Variants in MMP26 observed in about 807,000 individuals in gnomAD.
MMP26 encodes the protein matrix metallopeptidase 26.
Under a neutral mutation model 31.0 loss-of-function variants are expected in MMP26, and 33 were observed. The ratio of observed to expected loss-of-function variants is 1.06; its 90% CI spans 0.81 to 1.42. The LOEUF (loss-of-function observed/expected upper bound fraction) is 1.42. Among genes scored for constraint, MMP26 ranks in the 40% most tolerant of loss-of-function variants. The pLI, the probability that MMP26 is intolerant of heterozygous loss-of-function variation, is 0.00. For synonymous variants in MMP26, 122 were observed against 114.9 expected (o/e 1.06, Z -0.40); for missense variants, 347 against 316.1 (o/e 1.10, Z -0.74).
Position 4,952,496 on chromosome 11 carries a change from G to A in MMP26, c.-144-35572G>A, listed in dbSNP as rs1208758883. Among the ~76,000 whole-genome samples, 48 of 125,724 alleles carry A rather than the reference G, an allele frequency of 3.8e-4. 11 individuals are homozygous for A. Among genetic ancestry groups the A allele is most frequent in the African/African-American group, 1.2e-3 (46 of 37,104 alleles). 82.5% of individuals were successfully genotyped at this position (125,724 alleles called of 152,430 possible). ...GGAAAAGGCAGATGGATATAGTTAC[G>A]CACCTTGAACACAGAAGCAGTTCTT... is the stretch of plus-strand genomic sequence containing the variant. On this transcript the variant is annotated intron_variant, in intron 2 of 7. Coordinates refer to ENST00000380390, the MANE Select transcript of MMP26 (RefSeq NM_021801.5).
In MMP26 at chr11:4,882,319, C is replaced by G. The variant is rs201593644; in HGVS notation, c.-144-105749C>G. On this transcript the variant is annotated intron_variant, in intron 2 of 7. Coordinates refer to ENST00000380390, the MANE Select transcript of MMP26 (RefSeq NM_021801.5). ...TGAACTATGCTACTATCCTCACAGA[C>G]AGGATGGTCCTGGTGATAGGGCTGG... 2.7e-3 allele frequency: 4,364 copies of G among 1,613,906 alleles called. 120 individuals are homozygous for G. The South Asian group carries it at 0.043, about 16-fold the overall frequency.
At chr11:4,989,017 T>G (rs374548383) in intron 3 of MMP26, among the ~76,000 whole-genome samples, 3 of 152,320 alleles carry the variant, frequency 2.0e-5, no homozygotes, top group African/African-American at 4.8e-5. Context: ...TCAAGCTGTA[T>G]CAGACATGAG....
chr11:4,983,900 C>T (rs1027169078), intron 2 of MMP26, among the ~76,000 whole-genome samples: 17 of 152,142 alleles, frequency 1.1e-4, no homozygotes, highest in Non-Finnish European at 1.8e-4. Context: ...TTATTAATAT[C>T]CACAGGCGAT....
In MMP26 at chr11:4,715,333, T is replaced by C. The variant is rs898164228; in HGVS notation, c.-217+10288T>C. The stretch of plus-strand genomic sequence containing the variant: ...AAGCTGTTATCAAATAAAGTCTTTT[T>C]TTCCTGTAAAAAAAAAAAAAAGAAT... On this transcript the variant is annotated intron_variant, in intron 1 of 7. Coordinates refer to ENST00000380390, the MANE Select transcript of MMP26 (RefSeq NM_021801.5). Among the ~76,000 whole-genome samples the C allele has an allele frequency of 2.6e-4, 21 of 80,730 alleles. No individual in the cohort carries two copies. In the Admixed American group the frequency reaches 3.6e-3, roughly 14 times the overall value. 53.0% of individuals were successfully genotyped at this position (80,730 alleles called of 152,430 possible).
chr11:4,867,899 C>A (rs899371028), intron 2 of MMP26, among the ~76,000 whole-genome samples: 2 of 151,942 alleles, frequency 1.3e-5, no homozygotes, highest in African/African-American at 4.8e-5. Flanking sequence ...TGGGTATATA[C>A]CTAAAAGAAT....
intron 2 of MMP26, among the ~76,000 whole-genome samples, chr11:4,842,262 GT>G (rs2133490715): frequency 6.6e-6 from 1 of 152,306 alleles, no homozygotes; most frequent in Non-Finnish European, 1.5e-5. Context: ...GTGTTAAGTT[GT>G]TATTAGGTTA....
chr11:4,973,486 T>C (rs1182827069), intron 2 of MMP26: 1 of 152,416 alleles, frequency 6.6e-6, no homozygotes, highest in Non-Finnish European at 1.5e-5. Flanking sequence ...TGGAAGTGTA[T>C]CTCAGGGGGT....
At chr11:4,705,492 T>A (rs966960) in intron 1 of MMP26, among the ~76,000 whole-genome samples, 146,669 of 152,266 alleles carry the variant, frequency 0.96, 70,812 homozygotes, top group Non-Finnish European at 1. Flanking sequence ...AATGTGAAGC[T>A]TTGTTGTGAG....
chr11:4,774,538 G>T (rs1201504643), intron 2 of MMP26, among the ~76,000 whole-genome samples: 2 of 152,136 alleles, frequency 1.3e-5, no homozygotes, highest in Non-Finnish European at 2.9e-5. Context: ...GCCTTTGTTG[G>T]ATGAATAGAT....
intron 1 of MMP26, chr11:4,709,805 A>C: frequency 2.2e-6 from 1 of 457,514 alleles, no homozygotes; most frequent in Non-Finnish European, 4.4e-6. Context: ...GTCTTTCTAC[A>C]TTGACCACCA....
At chr11:4,810,028 A>G (rs921548865) in intron 2 of MMP26, among the ~76,000 whole-genome samples, 1 of 152,164 alleles carries the variant, frequency 6.6e-6, no homozygotes, top group Non-Finnish European at 1.5e-5. Context: ...CCGACCTTTA[A>G]GTATTAGTTT....
At chr11:4,749,127 G>A (rs1318038339) in intron 1 of MMP26, among the ~76,000 whole-genome samples, 1 of 151,986 alleles carries the variant, frequency 6.6e-6, no homozygotes, top group Non-Finnish European at 1.5e-5. Context: ...ACAAAAATCA[G>A]TAGCATTTCT....
intron 1 of MMP26, among the ~76,000 whole-genome samples, chr11:4,722,047 T>G (rs1848019928): frequency 6.6e-6 from 1 of 152,198 alleles, no homozygotes; most frequent in Non-Finnish European, 1.5e-5. Flanking sequence ...TGCATTGTTC[T>G]CACTTTGCCT....
intron 3 of MMP26, 91 bp from the exon 4 acceptor site, chr11:4,989,557 T>G: frequency 2.0e-6 from 2 of 1,018,836 alleles, no homozygotes; most frequent in Non-Finnish European, 2.9e-6. Context: ...ACCGTCCTTC[T>G]GAGACCCTCA....
At chr11:4,986,543 TTTTTTG>T in intron 2 of MMP26, among the ~76,000 whole-genome samples, 2 of 69,878 alleles carry the variant, frequency 2.9e-5, no homozygotes, top group African/African-American at 5.7e-5. Flanking sequence ...TTTTTTTTTT[TTTTTTG>T]AGACAGAATC....
At chr11:4,803,438 G>T (rs1479675712) in intron 2 of MMP26, 1 of 1,598,028 alleles carries the variant, frequency 6.3e-7, no homozygotes, top group Admixed American at 1.7e-5. Flanking sequence ...TTTGCTCAGG[G>T]GATGTTTCCA....
intron 2 of MMP26, among the ~76,000 whole-genome samples, chr11:4,798,999 G>A (rs1413394890): frequency 2.0e-5 from 3 of 152,166 alleles, no homozygotes; most frequent in Non-Finnish European, 4.4e-5. Context: ...ATACGGTTTT[G>A]TCTGGCCTTT....
chr11:4,747,918 G>A (rs1848400488), intron 1 of MMP26, among the ~76,000 whole-genome samples: 1 of 151,860 alleles, frequency 6.6e-6, no homozygotes, highest in Admixed American at 6.6e-5. Context: ...TGGAACCAAA[G>A]CTAGCAGGAG....
chr11:4,816,324 G>A (rs1364452393), intron 2 of MMP26, among the ~76,000 whole-genome samples: 1 of 152,162 alleles, frequency 6.6e-6, no homozygotes, highest in Admixed American at 6.5e-5. Context: ...ATGCAATCTA[G>A]AAGAATATGT....
Sources: allele counts gnomAD v4.1 joint callset (sites outside exome capture counted in the v4.1 genomes callset), GRCh38; gene constraint gnomAD v4.1.1; transcripts MANE v1.5; gene names NCBI Gene and HGNC (gene_info 2026-07-23, HGNC 2026-07-21).